The following MCF2 variants were observed in gnomAD, a reference collection of about 807,000 sequenced individuals.
MCF2 encodes proto-oncogene DBL.
In MCF2, 44 loss-of-function variants were observed where a neutral mutation model predicts 82.5. The observed-to-expected ratio is 0.53, with a 90% confidence interval of 0.42 to 0.69. The LOEUF is 0.69. Ranked by LOEUF, MCF2 falls within the 30% of genes least tolerant of loss-of-function variation. The pLI is 0.00. For missense variants in MCF2, 623 were observed against 663.1 expected (o/e 0.94, Z 0.66); for synonymous variants, 217 against 224.9 (o/e 0.96, Z 0.32).
chrX:139,621,299 A>C (rs1206343001), intron 6 of MCF2, among the ~76,000 whole-genome samples: 1 of 112,002 alleles, frequency 8.9e-6, no homozygotes, highest in Non-Finnish European at 1.9e-5. Context: ...GAAAGAATTT[A>C]TGACTAAAAT....
chrX:139,604,719 G>A (rs61751333), exon 15 of MCF2: 18,527 of 1,196,222 alleles, frequency 0.015, 125 homozygotes, highest in Non-Finnish European at 0.018. Flanking sequence ...TCTGGAGCAT[G>A]AGCACAATTT....
intron 1 of MCF2, among the ~76,000 whole-genome samples, chrX:139,701,727 T>C (rs1935502327): frequency 8.9e-6 from 1 of 112,714 alleles, no homozygotes; most frequent in Non-Finnish European, 1.9e-5. Flanking sequence ...ATGTATATAA[T>C]GTATATAATA....
At chrX:139,690,819 T>C (rs1361278321) in intron 1 of MCF2, among the ~76,000 whole-genome samples, 3 of 111,794 alleles carry the variant, frequency 2.7e-5, no homozygotes, top group African/African-American at 9.8e-5. Flanking sequence ...CTACCTTGGG[T>C]GCACAGGAAG....
At chrX:139,669,989 A>G (rs1336187502) in intron 1 of MCF2, among the ~76,000 whole-genome samples, 1 of 111,753 alleles carries the variant, frequency 8.9e-6, no homozygotes, top group Non-Finnish European at 1.9e-5. Flanking sequence ...GGTTATGTAC[A>G]CCTCTGCGAA....
chrX:139,702,394 T>C (rs1935516211), intron 1 of MCF2: 1 of 111,997 alleles, frequency 8.9e-6, no homozygotes, highest in Non-Finnish European at 1.9e-5. Context: ...GAAGGATCTA[T>C]TCGTGTCTTG....
At chrX:139,597,009 A>G (rs1476373397) in intron 18 of MCF2, among the ~76,000 whole-genome samples, 1 of 111,422 alleles carries the variant, frequency 9.0e-6, no homozygotes, top group Non-Finnish European at 1.9e-5. Context: ...GAGGTATTTC[A>G]GCTAGGGTAA....
intron 1 of MCF2, among the ~76,000 whole-genome samples, chrX:139,636,441 T>G (rs1208557973): frequency 1.8e-5 from 2 of 111,766 alleles, no homozygotes; most frequent in East Asian, 5.6e-4. Context: ...CATCTTTCTC[T>G]CTCTGACTTC....
At chrX:139,605,726 T>C (rs778596819) in exon 13 of MCF2, 4 of 1,201,745 alleles carry the variant, frequency 3.3e-6, no homozygotes, top group Non-Finnish European at 4.5e-6. Flanking sequence ...CAAAACAGTA[T>C]ACAGTTCTCG....
intron 10 of MCF2, among the ~76,000 whole-genome samples, chrX:139,610,992 A>G (rs1357383020): frequency 1.8e-5 from 2 of 112,374 alleles, no homozygotes; most frequent in South Asian, 7.3e-4. Flanking sequence ...TGTCATCAAA[A>G]TTCAAAACTT....
intron 1 of MCF2, among the ~76,000 whole-genome samples, chrX:139,642,137 A>G (rs758396478): frequency 9.0e-6 from 1 of 111,711 alleles, no homozygotes; most frequent in Admixed American, 9.5e-5. Context: ...TTTGTTAGAT[A>G]TTGTTTTAAG....
intron 16 of MCF2, 52 bp downstream of exon 20, chrX:139,602,354 A>G (rs1930627351): frequency 1.1e-6 from 1 of 900,168 alleles, no homozygotes; most frequent in African/African-American, 2.0e-5. Context: ...ATTAAGAAAT[A>G]CCGCAATATC....
intron 1 of MCF2, among the ~76,000 whole-genome samples, chrX:139,661,314 AGAG>A (rs1934350014): frequency 8.9e-6 from 1 of 111,958 alleles, no homozygotes; most frequent in Admixed American, 9.5e-5. Context: ...GCATGCTGAC[AGAG>A]GAGGAAAACA....
chrX:139,668,345 G>A (rs1934585416), intron 1 of MCF2, among the ~76,000 whole-genome samples: 2 of 111,928 alleles, frequency 1.8e-5, no homozygotes, highest in South Asian at 7.5e-4. Flanking sequence ...GTGTCTTGAT[G>A]TAGCCACTCA....
At chrX:139,688,875 T>C (rs1935191706) in intron 1 of MCF2, among the ~76,000 whole-genome samples, 1 of 111,143 alleles carries the variant, frequency 9.0e-6, no homozygotes, top group South Asian at 3.9e-4. Context: ...GAATAAGAAA[T>C]AACATTTACT....
chrX:139,602,570 C>T, intron 15 of MCF2, 72 bp from the exon 20 acceptor site: 1 of 716,747 alleles, frequency 1.4e-6, no homozygotes, highest in South Asian at 2.4e-5. Flanking sequence ...AAAGGCTAAA[C>T]AAGAGTGTAA....
chrX:139,605,793 A>G lies in MCF2; in HGVS notation c.1491-14T>C, dbSNP rs1347363464. 1 of 1,134,304 alleles carries G rather than the reference A, an allele frequency of 8.8e-7. No homozygotes were observed. Among genetic ancestry groups the G allele is most frequent in the Admixed American group, 2.3e-5 (1 of 43,477 alleles). The allele number at this position is 1,134,304 out of a possible 1,213,427, so 93.5% of individuals were successfully genotyped here. On this transcript the variant is annotated splice_polypyrimidine_tract_variant and intron_variant, in intron 12 of 24. Coordinates refer to ENST00000370576, the Ensembl canonical transcript of MCF2. ...TTTAGTACGTGGCTAAAATGAAAAG[A>G]CCATATTTATCAGTTATTTTATTAC...
chrX:139,613,900 T>C (rs960939747), intron 10 of MCF2, among the ~76,000 whole-genome samples: 3 of 111,464 alleles, frequency 2.7e-5, no homozygotes, highest in Non-Finnish European at 5.7e-5. Context: ...TTCATAATCT[T>C]AGCCTAGTTA....
chrX:139,642,615 A>C, exon 1 of MCF2: 1 of 1,203,680 alleles, frequency 8.3e-7, no homozygotes, highest in Non-Finnish European at 1.1e-6. Context: ...AACGGCAGCC[A>C]AAAATCTCTA....
At chrX:139,660,536 C>T (rs1934329125) in intron 1 of MCF2, among the ~76,000 whole-genome samples, 1 of 112,089 alleles carries the variant, frequency 8.9e-6, no homozygotes, top group South Asian at 3.7e-4. Flanking sequence ...AACATCGATA[C>T]TCTATACCAT....
Sources: gnomAD v4.1 joint callset for allele counts (sites outside exome capture counted in the v4.1 genomes callset) on GRCh38, gnomAD v4.1.1 for gene constraint, MANE v1.5 for transcripts, NCBI Gene and HGNC (gene_info 2026-07-23, HGNC 2026-07-21) for gene names.